The following GPD2 variants were observed in gnomAD, a reference collection of about 807,000 sequenced individuals.
GPD2 encodes glycerol-3-phosphate dehydrogenase, mitochondrial.
In GPD2, 54 loss-of-function variants were observed where a neutral mutation model predicts 82.4. The observed-to-expected ratio is 0.66, with a 90% CI of 0.53 to 0.82. GPD2 has a LOEUF of 0.82. Among genes scored for constraint, GPD2 ranks in the 40% least tolerant of loss-of-function variants. GPD2 has a pLI of 0.00. For synonymous variants in GPD2, 288 were observed against 306.1 expected (o/e 0.94, Z 0.62); for missense variants, 748 against 896.2 (o/e 0.83, Z 2.11).
intron 12 of GPD2, among the ~76,000 whole-genome samples, chr2:156,570,879 T>G (rs1326284192): frequency 6.6e-6 from 1 of 152,190 alleles, no homozygotes; most frequent in South Asian, 2.1e-4. Context: ...GCAATTTGCA[T>G]GTTTATGCCA....
chr2:156,531,028 A>G (rs1685835300), intron 6 of GPD2, among the ~76,000 whole-genome samples: 1 of 152,208 alleles, frequency 6.6e-6, no homozygotes, highest in African/African-American at 2.4e-5. Flanking sequence ...CATAAACATT[A>G]TTAACACAAA....
chr2:156,551,993 C>T (rs964269474), intron 8 of GPD2, among the ~76,000 whole-genome samples: 2 of 152,082 alleles, frequency 1.3e-5, no homozygotes, highest in Admixed American at 6.6e-5. Context: ...TTGTTTAATA[C>T]TTCCATTCTC....
At chr2:156,582,155 C>T (rs1446713523) in intron 16 of GPD2, among the ~76,000 whole-genome samples, 1 of 151,976 alleles carries the variant, frequency 6.6e-6, no homozygotes, top group Non-Finnish European at 1.5e-5. Context: ...AAAGTGCCTT[C>T]CAGATTAAAG....
intron 1 of GPD2, among the ~76,000 whole-genome samples, chr2:156,472,435 C>T (rs147266560): frequency 0.013 from 2,053 of 152,200 alleles, 59 homozygotes; most frequent in African/African-American, 0.048. Context: ...ATTCTCTTGC[C>T]TCAGGCTCCC....
At chr2:156,508,471 C>T (rs1258924033) in intron 3 of GPD2, among the ~76,000 whole-genome samples, 1 of 152,088 alleles carries the variant, frequency 6.6e-6, no homozygotes. Context: ...TTACTGGAGA[C>T]TGTCTAAGTA....
At position 156,550,645 on chromosome 2, in the gene GPD2, G is replaced by A. The variant is rs1055092813; in HGVS notation, c.870G>A (p.Thr290=). Reference sequence around the variant, plus strand: ...GAGCCAAATGTGTTATCAATGCCACGGGACCTTTCACGGACTCTGTGCGCA... The same window carrying A: ...GAGCCAAATGTGTTATCAATGCCACAGGACCTTTCACGGACTCTGTGCGCA... ...DVRAKCVINA[T]GPFTDSVRKM... The change falls in exon 8 of 17, where the codon ACG becomes ACA. Residue 290 remains threonine, a synonymous_variant. Coordinates refer to ENST00000438166, the MANE Select transcript of GPD2 (RefSeq NM_000408.5). The A allele has an allele frequency of 9.3e-6, 15 of 1,613,860 alleles. No individual in the cohort carries two copies. The highest frequency in any genetic ancestry group is 1.2e-5 in the Non-Finnish European group (14 of 1,179,864).
intron 6 of GPD2, among the ~76,000 whole-genome samples, chr2:156,525,863 A>G (rs1006508025): frequency 1.3e-5 from 2 of 152,214 alleles, no homozygotes; most frequent in Non-Finnish European, 1.5e-5. Context: ...GTAAACAAAG[A>G]CAATTCAAAC....
At chr2:156,446,241 A>G (rs1166465327) in intron 1 of GPD2, among the ~76,000 whole-genome samples, 1 of 152,096 alleles carries the variant, frequency 6.6e-6, no homozygotes, top group Admixed American at 6.5e-5. Flanking sequence ...GATTATAGGC[A>G]TGTGCCACCA....
chr2:156,550,189 C>A lies in GPD2; in HGVS notation c.827-413C>A, dbSNP rs16840468. Among the ~76,000 whole-genome samples the A allele has an allele frequency of 2.7e-3, 410 of 152,328 alleles. 3 individuals are homozygous for A. The highest frequency in any genetic ancestry group is 9.5e-3 in the African/African-American group (397 of 41,574). ...TTTCATTATTGCCCTGGCTCTAGCG[C>A]CATATAAGTAGGCAGTTTCCAAATT... On this transcript the variant is annotated intron_variant, in intron 7 of 16. Coordinates refer to ENST00000438166, the MANE Select transcript of GPD2 (RefSeq NM_000408.5).
intron 7 of GPD2, 38 bp downstream of exon 7, chr2:156,549,810 T>G: frequency 1.4e-6 from 2 of 1,465,474 alleles, no homozygotes; most frequent in Non-Finnish European, 1.9e-6. Context: ...TTTCTTAGTA[T>G]CTTGCCTAGC....
chr2:156,401,050 T>G, the GPD2 span, among the ~76,000 whole-genome samples: 1 of 152,230 alleles, frequency 6.6e-6, no homozygotes, highest in Admixed American at 6.5e-5. Flanking sequence ...TCATTAATAC[T>G]TCTTTATTTG....
At chr2:156,485,045 T>C (rs751685675) in intron 2 of GPD2, among the ~76,000 whole-genome samples, 3 of 152,332 alleles carry the variant, frequency 2.0e-5, no homozygotes, top group East Asian at 3.9e-4. Context: ...TTATTTCACT[T>C]AGCATAATGT....
At chr2:156,425,673 T>C in the GPD2 span, among the ~76,000 whole-genome samples, 2 of 152,180 alleles carry the variant, frequency 1.3e-5, no homozygotes, top group African/African-American at 4.8e-5. Context: ...CACAAAAAGT[T>C]TGATACAAGG....
Position 156,571,202 on chromosome 2 carries a change from C to G in GPD2, c.1677C>G (p.Ala559=). The part of the protein sequence containing the change: ...VDMISRRTRL[A]FLNVQAAEEA... Reference sequence around the variant, plus strand: ...TGATTTCACGTCGTACTCGCCTGGCCTTTCTAAATGTCCAGGCAGCAGAGG... The same window carrying G: ...TGATTTCACGTCGTACTCGCCTGGCGTTTCTAAATGTCCAGGCAGCAGAGG... Residue 559 remains alanine, a synonymous_variant, in exon 13 of 17, where the codon GCC becomes GCG. Coordinates refer to ENST00000438166, the MANE Select transcript of GPD2 (RefSeq NM_000408.5). 1 of 1,611,544 alleles carries G rather than the reference C, an allele frequency of 6.2e-7. No homozygotes were observed. Among genetic ancestry groups the G allele is most frequent in the Non-Finnish European group, 8.5e-7 (1 of 1,177,734 alleles).
At chr2:156,498,084 A>G (rs1324123603) in intron 3 of GPD2, among the ~76,000 whole-genome samples, 2 of 152,212 alleles carry the variant, frequency 1.3e-5, no homozygotes, top group East Asian at 3.8e-4. Flanking sequence ...TCATTTCCCC[A>G]GTAGGATTCA....
intron 2 of GPD2, chr2:156,495,626 C>T (rs1284445314): frequency 6.5e-6 from 3 of 461,226 alleles, no homozygotes; most frequent in Non-Finnish European, 1.3e-5. Flanking sequence ...TGTGGAAAGA[C>T]ATGAAGTCCT....
At chr2:156,471,562 G>C (rs370068298) in intron 1 of GPD2, among the ~76,000 whole-genome samples, 2 of 151,738 alleles carry the variant, frequency 1.3e-5, no homozygotes, top group African/African-American at 4.8e-5. Flanking sequence ...TGCCTAGAAC[G>C]TACCATGATG....
chr2:156,494,423 T>C (rs554290282), intron 2 of GPD2, among the ~76,000 whole-genome samples: 1 of 152,330 alleles, frequency 6.6e-6, no homozygotes, highest in East Asian at 1.9e-4. Flanking sequence ...AACAGTTACA[T>C]TGCTGGTAAC....
At chr2:156,453,177 G>A (rs1682675347) in intron 1 of GPD2, among the ~76,000 whole-genome samples, 1 of 152,194 alleles carries the variant, frequency 6.6e-6, no homozygotes. Flanking sequence ...GGGTGGAGAT[G>A]TGAAACAGGC....
Sources: gnomAD v4.1 joint callset for allele counts (sites outside exome capture counted in the v4.1 genomes callset) on GRCh38, gnomAD v4.1.1 for gene constraint, MANE v1.5 for transcripts, NCBI Gene and HGNC (gene_info 2026-07-23, HGNC 2026-07-21) for gene names.